PHKB: variants seen among roughly 807,000 people sequenced by gnomAD.
PHKB encodes phosphorylase kinase regulatory subunit beta.
Under a neutral mutation model 152.1 loss-of-function variants are expected in PHKB, and 122 were observed. That is an observed-to-expected ratio of 0.80 (90% CI 0.69 to 0.93). PHKB has a LOEUF of 0.93. Among genes scored for constraint, PHKB ranks in the 40% least tolerant of loss-of-function variants. The pLI, the probability that PHKB is intolerant of heterozygous loss-of-function variation, is 0.00. For missense variants in PHKB, 1,304 were observed against 1,328.4 expected (o/e 0.98, Z 0.29); for synonymous variants, 436 against 464.9 (o/e 0.94, Z 0.80).
At chr16:47,602,013 A>G (rs755946196) in intron 13 of PHKB, among the ~76,000 whole-genome samples, 2 of 152,210 alleles carry the variant, frequency 1.3e-5, no homozygotes, top group African/African-American at 4.8e-5. Flanking sequence ...CAATATACAC[A>G]AACTCCCAGA....
At chr16:47,547,399 G>A (rs774722795) in intron 6 of PHKB, 34 bp from the exon 7 acceptor site, 10 of 1,318,330 alleles carry the variant, frequency 7.6e-6, no homozygotes, top group South Asian at 1.2e-5. Flanking sequence ...CTGTTATTGA[G>A]TATGTCCTTA....
chr16:47,635,786 GT>G (rs1972908876), intron 14 of PHKB, among the ~76,000 whole-genome samples: 1 of 152,220 alleles, frequency 6.6e-6, no homozygotes, highest in South Asian at 2.1e-4. Context: ...GCTCCGCTAG[GT>G]CTGTGTCCTT....
chr16:47,664,244 T>C (rs114258727), intron 24 of PHKB: 2,536 of 157,122 alleles, frequency 0.016, 78 homozygotes, highest in African/African-American at 0.058. Flanking sequence ...AAAAAAGATG[T>C]AGGAAAGTTT....
chr16:47,625,280 A>G (rs1567332107), intron 14 of PHKB, among the ~76,000 whole-genome samples: 2 of 152,256 alleles, frequency 1.3e-5, no homozygotes, highest in Non-Finnish European at 1.5e-5. Context: ...CCTGGCCCAT[A>G]TAAGTACCAT....
intron 25 of PHKB, among the ~76,000 whole-genome samples, chr16:47,668,647 C>T (rs556690353): frequency 2.0e-4 from 30 of 152,278 alleles, no homozygotes; most frequent in Non-Finnish European, 3.4e-4. Flanking sequence ...TCCTTCCCCT[C>T]CACAGGTGAG....
chr16:47,487,617 C>T (rs764339765), intron 1 of PHKB, among the ~76,000 whole-genome samples: 8 of 152,088 alleles, frequency 5.3e-5, no homozygotes, highest in Non-Finnish European at 1.2e-4. Flanking sequence ...TCAAAGAGGC[C>T]TCTGTGTCTA....
intron 13 of PHKB, among the ~76,000 whole-genome samples, chr16:47,601,575 C>T (rs950091700): frequency 5.3e-5 from 8 of 152,058 alleles, no homozygotes; most frequent in Non-Finnish European, 8.8e-5. Flanking sequence ...CATGATGGCA[C>T]GCACCTGTAG....
intron 10 of PHKB, among the ~76,000 whole-genome samples, chr16:47,589,825 C>A (rs952114205): frequency 9.9e-5 from 15 of 152,182 alleles, no homozygotes; most frequent in Non-Finnish European, 1.8e-4. Context: ...TGCTCTGTTG[C>A]CCAGGCTGGA....
At chr16:47,485,373 C>T (rs1424519972) in intron 1 of PHKB, among the ~76,000 whole-genome samples, 2 of 152,134 alleles carry the variant, frequency 1.3e-5, no homozygotes, top group Non-Finnish European at 2.9e-5. Flanking sequence ...ATCTTTTTAA[C>T]TATAGAGGTT....
chr16:47,571,054 A>C (rs1318129359), intron 7 of PHKB, among the ~76,000 whole-genome samples: 1 of 151,408 alleles, frequency 6.6e-6, no homozygotes, highest in African/African-American at 2.4e-5. Flanking sequence ...GTCTCTGTTG[A>C]GTTTCTTGGT....
chr16:47,669,553 C>T (rs1195181846), intron 26 of PHKB, 136 bp downstream of exon 26: 1 of 758,908 alleles, frequency 1.3e-6, no homozygotes, highest in Non-Finnish European at 2.4e-6. Flanking sequence ...CTAAGCCATG[C>T]AGGCAATATC....
chr16:47,559,531 G>T (rs1368181063), intron 7 of PHKB, among the ~76,000 whole-genome samples: 1 of 152,108 alleles, frequency 6.6e-6, no homozygotes, highest in African/African-American at 2.4e-5. Context: ...ATTGTGACTG[G>T]GGCTGGGCTT....
chr16:47,540,748 G>T lies in PHKB; in HGVS notation c.595-6685G>T, dbSNP rs181540939. On this transcript the variant is annotated intron_variant, in intron 6 of 30. Coordinates refer to ENST00000323584, the MANE Select transcript of PHKB (RefSeq NM_000293.3). ...TATTTCAGTATATTAAAAATGTGTT[G>T]GGAGACAAGTATGTATTTGGATTTC... Among the ~76,000 whole-genome samples the T allele has an allele frequency of 4.7e-4, 70 of 150,278 alleles. 1 individual carries two copies. The highest frequency in any genetic ancestry group is 1.5e-3 in the African/African-American group (62 of 40,892).
intron 16 of PHKB, among the ~76,000 whole-genome samples, chr16:47,643,545 T>C (rs1973063019): frequency 6.6e-6 from 1 of 152,238 alleles, no homozygotes; most frequent in Admixed American, 6.5e-5. Context: ...AGAGCCAACC[T>C]TCCTGTGCAT....
At chr16:47,464,587 T>G (rs1969634868) in intron 1 of PHKB, among the ~76,000 whole-genome samples, 1 of 152,192 alleles carries the variant, frequency 6.6e-6, no homozygotes, top group Non-Finnish European at 1.5e-5. Context: ...GGAATTGCTC[T>G]TCAGACGTGT....
At chr16:47,550,000 TG>T (rs1466361725) in intron 7 of PHKB, among the ~76,000 whole-genome samples, 7 of 152,344 alleles carry the variant, frequency 4.6e-5, no homozygotes, top group African/African-American at 1.7e-4. Flanking sequence ...GTTTGGATGA[TG>T]GGTTTTATAC....
At chr16:47,585,857 T>G (rs921376551) in intron 8 of PHKB, among the ~76,000 whole-genome samples, 1 of 152,206 alleles carries the variant, frequency 6.6e-6, no homozygotes, top group Non-Finnish European at 1.5e-5. Flanking sequence ...CCATTTCACT[T>G]CATTATTTAT....
At chr16:47,583,730 A>T (rs1971888421) in intron 8 of PHKB, among the ~76,000 whole-genome samples, 1 of 152,166 alleles carries the variant, frequency 6.6e-6, no homozygotes, top group African/African-American at 2.4e-5. Context: ...CTCCATAATG[A>T]ATCTATTAAT....
intron 14 of PHKB, among the ~76,000 whole-genome samples, chr16:47,612,132 C>T (rs748385817): frequency 2.0e-5 from 3 of 152,196 alleles, no homozygotes; most frequent in African/African-American, 4.8e-5. Flanking sequence ...ATTTGAAATA[C>T]ACCATTTTAC....
Sources: gnomAD v4.1 joint callset for allele counts (sites outside exome capture counted in the v4.1 genomes callset) on GRCh38, gnomAD v4.1.1 for gene constraint, MANE v1.5 for transcripts, NCBI Gene and HGNC (gene_info 2026-07-23, HGNC 2026-07-21) for gene names.